PDE10A: variants seen among roughly 807,000 people sequenced by gnomAD.
PDE10A encodes the protein phosphodiesterase 10A, also known as cAMP and cAMP-inhibited cGMP 3',5'-cyclic phosphodiesterase 10A.
Under a neutral mutation model 97.7 loss-of-function variants are expected in PDE10A, and 39 were observed. That is an observed-to-expected ratio of 0.40 (90% CI 0.31 to 0.52). The LOEUF (loss-of-function observed/expected upper bound fraction) is 0.52, where lower values mean the gene tolerates loss of function less well. Ranked by LOEUF, PDE10A falls within the 20% of genes least tolerant of loss-of-function variation. PDE10A has a pLI of 0.56. For synonymous variants in PDE10A, 371 were observed against 376.8 expected, an observed-to-expected ratio of 0.98 and a Z score of 0.18; for missense variants, 731 against 1,047.8, an observed-to-expected ratio of 0.70 and a Z score of 4.17.
chr6:165,512,458 C>T (rs1474005668), intron 2 of PDE10A, among the ~76,000 whole-genome samples: 2 of 151,808 alleles, frequency 1.3e-5, no homozygotes, highest in Admixed American at 1.3e-4. Flanking sequence ...AAAAATTCAG[C>T]ACTTTGAATA....
At chr6:165,894,736 T>C (rs1302848793) in intron 1 of PDE10A, 1 of 337,716 alleles carries the variant, frequency 3.0e-6, no homozygotes, top group Admixed American at 3.9e-5. Context: ...TGCATATAAA[T>C]ATGTGTTCAT....
chr6:165,599,769 G>A (rs954310211), intron 1 of PDE10A, among the ~76,000 whole-genome samples: 3 of 152,168 alleles, frequency 2.0e-5, no homozygotes, highest in African/African-American at 7.2e-5. Flanking sequence ...GCAGGAGTGC[G>A]TCTCTGACCA....
Position 165,330,865 on chromosome 6 carries a change from T to G in PDE10A, c.*2160A>C, listed in dbSNP as rs1781301461. On this transcript the variant is annotated 3_prime_UTR_variant, in exon 22 of 22. Transcript: ENST00000539869. Reference sequence around the variant, plus strand: ...GAAATGAGATAACTAAACTAACTTTTGTGACTAAAGCTGTGTTTGGTAGAC... The same window carrying G: ...GAAATGAGATAACTAAACTAACTTTGGTGACTAAAGCTGTGTTTGGTAGAC... 1 of 152,194 alleles carries G rather than the reference T, an allele frequency of 6.6e-6. No homozygotes were observed. Among genetic ancestry groups the G allele is most frequent in the South Asian group, 2.1e-4 (1 of 4,830 alleles). The allele number at this position is 152,194 out of a possible 1,614,324, so 9.4% of individuals were successfully genotyped here.
At chr6:165,620,366 G>A (rs1788068874) in intron 1 of PDE10A, among the ~76,000 whole-genome samples, 1 of 152,114 alleles carries the variant, frequency 6.6e-6, no homozygotes, top group South Asian at 2.1e-4. Flanking sequence ...CTTCTCGTAA[G>A]TATCTGAGTA....
At chr6:165,796,319 C>T (rs1778832116) in intron 1 of PDE10A, among the ~76,000 whole-genome samples, 2 of 152,102 alleles carry the variant, frequency 1.3e-5, no homozygotes, top group Admixed American at 6.5e-5. Flanking sequence ...ATCTCCTGAC[C>T]TCATGATCCG....
chr6:165,331,332 G>T lies in PDE10A; in HGVS notation c.*1693C>A, dbSNP rs1010227417. On this transcript the variant is annotated 3_prime_UTR_variant, in exon 22 of 22. Transcript: ENST00000539869. ...AGCAAATGGAGCTCCACGGAGGGAA[G>T]ATGGCAACTTTCAGAAGCCCACAAG... 3 of 152,180 alleles carry T rather than the reference G, an allele frequency of 2.0e-5. No homozygotes were observed. Among genetic ancestry groups the T allele is most frequent in the Non-Finnish European group, 4.4e-5 (3 of 68,032 alleles). The allele number at this position is 152,180 out of a possible 1,614,324, so 9.4% of individuals were successfully genotyped here. A position where few individuals can be genotyped will look rare whatever the true frequency, so the allele number is the denominator to read the frequency against.
At chr6:165,667,254 T>C (rs1188893968), upstream of PDE10A, among the ~76,000 whole-genome samples, 1 of 152,188 alleles carries the variant, frequency 6.6e-6, no homozygotes, top group African/African-American at 2.4e-5. Flanking sequence ...AGGGGTTGCA[T>C]GAGTAAGTTC....
Position 165,493,871 on chromosome 6 carries a change from C to T in PDE10A, c.995-11528G>A, listed in dbSNP as rs138927662. On this transcript the variant is annotated intron_variant, in intron 2 of 21. Coordinates refer to ENST00000539869, the MANE Select transcript of PDE10A (RefSeq NM_001385079.1). ...TCTGCATAGCAAAAGAAATAATCAG[C>T]AGAATAAACAGACAACACACAGAGT... is the stretch of plus-strand genomic sequence containing the variant. Among the ~76,000 whole-genome samples, 4 of 151,942 alleles carry T rather than the reference C, an allele frequency of 2.6e-5. No individual in the cohort carries two copies. In the East Asian group the frequency reaches 7.7e-4, roughly 29 times the overall value.
intron 1 of PDE10A, among the ~76,000 whole-genome samples, chr6:165,852,115 A>G (rs920691207): frequency 2.6e-5 from 4 of 152,274 alleles, no homozygotes; most frequent in African/African-American, 9.6e-5. Context: ...TTTTTCTACG[A>G]AAGAAGAAAG....
intron 1 of PDE10A, among the ~76,000 whole-genome samples, chr6:165,853,865 T>C (rs892443964): frequency 1.5e-4 from 23 of 152,158 alleles, no homozygotes; most frequent in African/African-American, 5.6e-4. Context: ...GCACCCAAAC[T>C]GCTTTCCTAC....
intron 1 of PDE10A, among the ~76,000 whole-genome samples, chr6:165,809,226 C>T (rs1395163272): frequency 1.3e-5 from 2 of 152,204 alleles, no homozygotes; most frequent in African/African-American, 2.4e-5. Flanking sequence ...TGCCCCCCTT[C>T]ATCCTCTGCA....
At chr6:165,927,651 T>C in intron 1 of PDE10A, among the ~76,000 whole-genome samples, 1 of 108,374 alleles carries the variant, frequency 9.2e-6, no homozygotes, top group African/African-American at 3.6e-5. Context: ...GAATGACATA[T>C]ATATATATAT....
intron 1 of PDE10A, among the ~76,000 whole-genome samples, chr6:165,629,205 C>T (rs955810875): frequency 6.6e-6 from 1 of 152,074 alleles, no homozygotes; most frequent in African/African-American, 2.4e-5. Context: ...TCAGCAGCAG[C>T]GAGCTCAGAG....
chr6:165,515,284 A>C (rs2128304447), intron 2 of PDE10A, among the ~76,000 whole-genome samples: 1 of 152,212 alleles, frequency 6.6e-6, no homozygotes, highest in East Asian at 1.9e-4. Flanking sequence ...GAGGTTAACT[A>C]TGTTCTCAAT....
intron 2 of PDE10A, among the ~76,000 whole-genome samples, chr6:165,500,232 A>G (rs1780786371): frequency 7.0e-6 from 1 of 142,666 alleles, no homozygotes; most frequent in East Asian, 2.0e-4. Context: ...TCTGTATCCA[A>G]TATAGATTGA....
At chr6:165,516,801 CT>C (rs926136665) in intron 2 of PDE10A, among the ~76,000 whole-genome samples, 3 of 152,056 alleles carry the variant, frequency 2.0e-5, no homozygotes, top group African/African-American at 7.2e-5. Flanking sequence ...TAATTACTCC[CT>C]TTAACCATGT....
chr6:165,640,028 C>G (rs118008448), intron 1 of PDE10A, among the ~76,000 whole-genome samples: 5,489 of 150,718 alleles, frequency 0.036, 135 homozygotes, highest in East Asian at 0.12. Flanking sequence ...TGTGATCGCA[C>G]CACTGCACTC....
At chr6:165,943,976 C>A (rs781637005) in intron 1 of PDE10A, among the ~76,000 whole-genome samples, 2 of 152,170 alleles carry the variant, frequency 1.3e-5, no homozygotes, top group Non-Finnish European at 2.9e-5. Context: ...TAAAGACATA[C>A]CCAAGACTGG....
chr6:165,396,779 T>C (rs921135761), intron 13 of PDE10A, among the ~76,000 whole-genome samples: 3 of 152,172 alleles, frequency 2.0e-5, no homozygotes, highest in Non-Finnish European at 4.4e-5. Context: ...ATTAAACACA[T>C]TTTATTATCA....
Sources: gnomAD v4.1 joint callset for allele counts (sites outside exome capture counted in the v4.1 genomes callset) on GRCh38, gnomAD v4.1.1 for gene constraint, MANE v1.5 for transcripts, NCBI Gene and HGNC (gene_info 2026-07-23, HGNC 2026-07-21) for gene names.